KAZN: variants seen among roughly 807,000 people sequenced by gnomAD.
The protein encoded by KAZN is kazrin.
A neutral mutation model predicts 87.4 loss-of-function variants in KAZN; 40 were observed. The ratio of observed to expected loss-of-function variants is 0.46; its 90% CI spans 0.36 to 0.60. KAZN has a LOEUF of 0.60. Ranked by LOEUF, KAZN falls within the 20% of genes least tolerant of loss-of-function variation. KAZN has a pLI of 0.00. For synonymous variants in KAZN, 466 were observed against 458.3 expected, an observed-to-expected ratio of 1.02 and a Z score of -0.22; for missense variants, 898 against 1,073.9, an observed-to-expected ratio of 0.84 and a Z score of 2.29.
Position 14,208,850 on chromosome 1 carries a change from G to A in KAZN, c.249+28258G>A, listed in dbSNP as rs74057105. Among the ~76,000 whole-genome samples the A allele has an allele frequency of 5.3e-3, 810 of 152,326 alleles. 7 individuals are homozygous for A. The highest frequency in any genetic ancestry group is 0.018 in the African/African-American group (750 of 41,572). ...GGCCTATGGTCTTACCTCTCCAAGA[G>A]TTGCTTCTTCAATCATTTGCTACCC... On this transcript the variant is annotated intron_variant, in intron 2 of 16. Coordinates refer to the KAZN transcript ENST00000636203.
intron 1 of KAZN, among the ~76,000 whole-genome samples, chr1:14,791,935 C>T (rs1645687865): frequency 6.6e-6 from 1 of 152,222 alleles, no homozygotes; most frequent in East Asian, 1.9e-4. Flanking sequence ...TCTGGAGGAG[C>T]AGCCACATTA....
chr1:14,181,170 C>T (rs921931251), intron 2 of KAZN, among the ~76,000 whole-genome samples: 3 of 152,188 alleles, frequency 2.0e-5, no homozygotes, highest in African/African-American at 7.2e-5. Flanking sequence ...TGGGTCTCTT[C>T]AGACGTGTTG....
intron 2 of KAZN, among the ~76,000 whole-genome samples, chr1:14,569,235 TC>T (rs1674711885): frequency 6.6e-6 from 1 of 151,730 alleles, no homozygotes; most frequent in Admixed American, 6.6e-5. Flanking sequence ...GATTCAGAAG[TC>T]CTGCCATACA....
At chr1:14,771,248 G>A (rs1645011257) in intron 1 of KAZN, among the ~76,000 whole-genome samples, 3 of 152,146 alleles carry the variant, frequency 2.0e-5, no homozygotes, top group Non-Finnish European at 2.9e-5. Context: ...ATGTTCCAAG[G>A]AGAGATGAGA....
At chr1:15,078,686 G>A (rs1639863588) in intron 8 of KAZN, among the ~76,000 whole-genome samples, 2 of 152,162 alleles carry the variant, frequency 1.3e-5, no homozygotes, top group African/African-American at 4.8e-5. Context: ...GGCTCTGGCT[G>A]AACATATTAA....
intron 2 of KAZN, among the ~76,000 whole-genome samples, chr1:14,378,544 C>A (rs868335141): frequency 1.3e-5 from 2 of 152,200 alleles, no homozygotes; most frequent in Admixed American, 6.5e-5. Flanking sequence ...CTGGTAGTGA[C>A]CGCATGGCAT....
intron 2 of KAZN, among the ~76,000 whole-genome samples, chr1:14,442,360 T>C (rs1034764091): frequency 2.6e-5 from 4 of 152,186 alleles, no homozygotes; most frequent in African/African-American, 7.2e-5. Context: ...TGCTTTAAAA[T>C]TGGGGCTCAG....
At chr1:14,553,566 T>C (rs145430334) in intron 2 of KAZN, among the ~76,000 whole-genome samples, 230 of 152,276 alleles carry the variant, frequency 1.5e-3, no homozygotes, top group African/African-American at 5.1e-3. Context: ...AAACTTAGTC[T>C]CAATGCATGG....
At chr1:13,923,660 G>A (rs1277759755) in intron 1 of KAZN, among the ~76,000 whole-genome samples, 1 of 151,272 alleles carries the variant, frequency 6.6e-6, no homozygotes, top group African/African-American at 2.5e-5. Flanking sequence ...CCTTCATGCT[G>A]AGTAGGCTGA....
intron 1 of KAZN, among the ~76,000 whole-genome samples, chr1:14,889,112 C>G (rs1489631245): frequency 6.6e-6 from 1 of 152,194 alleles, no homozygotes; most frequent in African/African-American, 2.4e-5. Context: ...AGCCTGCGGG[C>G]CATGGGTTAG....
intron 1 of KAZN, among the ~76,000 whole-genome samples, chr1:14,066,561 T>A (rs2101538965): frequency 6.6e-6 from 1 of 152,314 alleles, no homozygotes; most frequent in African/African-American, 2.4e-5. Flanking sequence ...GGTTAGAACA[T>A]GCTTTTGGTC....
chr1:14,338,487 A>AG (rs1206775590), intron 2 of KAZN, among the ~76,000 whole-genome samples: 1 of 95,074 alleles, frequency 1.1e-5, no homozygotes, highest in African/African-American at 4.9e-5. Context: ...TCCATCTTAG[A>AG]GAAAAAAAAA....
At chr1:15,055,292 C>A (rs975313185) in intron 4 of KAZN, among the ~76,000 whole-genome samples, 1 of 152,172 alleles carries the variant, frequency 6.6e-6, no homozygotes, top group Non-Finnish European at 1.5e-5. Flanking sequence ...GCCTGGCCAA[C>A]ATGGTGAAAC....
At chr1:14,027,124 T>C (rs1434384630) in intron 1 of KAZN, among the ~76,000 whole-genome samples, 3 of 152,246 alleles carry the variant, frequency 2.0e-5, no homozygotes, top group African/African-American at 7.2e-5. Context: ...GCATATCGTA[T>C]TTCAAACTTT....
chr1:14,919,267 C>T (rs1252796133), intron 1 of KAZN, among the ~76,000 whole-genome samples: 1 of 152,164 alleles, frequency 6.6e-6, no homozygotes, highest in Admixed American at 6.5e-5. Flanking sequence ...ACCTCCGCCT[C>T]CCAGGTTCAA....
At position 14,275,234 on chromosome 1, in the gene KAZN, C is replaced by A. The variant is rs146062197; in HGVS notation, c.249+94642C>A. Among the ~76,000 whole-genome samples the A allele has an allele frequency of 7.9e-5, 12 of 152,252 alleles. No homozygotes were observed. In the East Asian group the frequency reaches 2.1e-3, roughly 27 times the overall value. ...GTATTTGGTATTTATTATTCCCATGCAGTCCTTCATAGCAACAGTCCTCAC... is the reference window on the plus strand; with the variant it reads ...GTATTTGGTATTTATTATTCCCATGAAGTCCTTCATAGCAACAGTCCTCAC... On this transcript the variant is annotated intron_variant, in intron 2 of 16. Transcript: ENST00000636203.
At chr1:14,000,931 C>T (rs1335579662) in intron 1 of KAZN, among the ~76,000 whole-genome samples, 4 of 151,686 alleles carry the variant, frequency 2.6e-5, no homozygotes, top group Admixed American at 6.6e-5. Flanking sequence ...TACAGGCGCC[C>T]GCCACTACGC....
At chr1:14,210,232 C>T (rs1646826644) in intron 2 of KAZN, among the ~76,000 whole-genome samples, 1 of 152,148 alleles carries the variant, frequency 6.6e-6, no homozygotes, top group African/African-American at 2.4e-5. Flanking sequence ...CTCATGAGAG[C>T]TGATGGTTTT....
intron 1 of KAZN, among the ~76,000 whole-genome samples, chr1:14,835,609 G>A (rs1283181515): frequency 3.9e-5 from 6 of 152,268 alleles, no homozygotes; most frequent in East Asian, 1.9e-4. Context: ...AAATTGCACC[G>A]TAATAGAAGA....
Sources: gnomAD v4.1 joint callset for allele counts (sites outside exome capture counted in the v4.1 genomes callset) on GRCh38, gnomAD v4.1.1 for gene constraint, MANE v1.5 for transcripts, NCBI Gene and HGNC (gene_info 2026-07-23, HGNC 2026-07-21) for gene names.